Variants in AKIRIN1 observed in about 807,000 individuals in gnomAD.
AKIRIN1 encodes akirin-1.
AKIRIN1 carries 4 observed loss-of-function variants against 25.9 expected under a neutral mutation model. The observed-to-expected ratio is 0.15, with a 90% confidence interval of 0.08 to 0.35. AKIRIN1 has a LOEUF of 0.35. Ranked by LOEUF, AKIRIN1 falls within the 10% of genes least tolerant of loss-of-function variation. AKIRIN1 has a pLI of 1.00. For synonymous variants in AKIRIN1, 125 were observed against 105.1 expected (o/e 1.19, Z -1.16); for missense variants, 243 against 266.1 (o/e 0.91, Z 0.61).
chr1:38,991,431 G>T lies in AKIRIN1; in HGVS notation c.51G>T (p.Leu17=), dbSNP rs1485753682. The T allele has an allele frequency of 4.4e-6, 6 of 1,366,832 alleles. No homozygotes were observed. In the South Asian group the frequency reaches 5.0e-5, roughly 11 times the overall value. 84.7% of individuals were successfully genotyped at this position (1,366,832 alleles called of 1,614,324 possible). The part of the protein sequence containing the change: ...LKRPMEFEAA[L]LSPGSPKRRR... Reference sequence around the variant, plus strand: ...GGCCCATGGAGTTCGAGGCGGCGCTGCTGAGCCCCGGCTCCCCGAAGCGGC... The same window carrying T: ...GGCCCATGGAGTTCGAGGCGGCGCTTCTGAGCCCCGGCTCCCCGAAGCGGC... Residue 17 remains leucine, a synonymous_variant, in exon 1 of 5, where the codon CTG becomes CTT. Transcript: ENST00000432648.
At chr1:38,993,825 C>T (rs897444811) in intron 1 of AKIRIN1, among the ~76,000 whole-genome samples, 3 of 152,058 alleles carry the variant, frequency 2.0e-5, no homozygotes, top group African/African-American at 7.2e-5. Context: ...AATCCCAGCA[C>T]TTTGGGAGGC....
chr1:38,992,315 T>G (rs916114145), intron 1 of AKIRIN1, among the ~76,000 whole-genome samples: 4 of 152,148 alleles, frequency 2.6e-5, no homozygotes, highest in Non-Finnish European at 5.9e-5. Flanking sequence ...GCGTTCCACT[T>G]TGTCCAAGGA....
At chr1:38,998,601 A>G (rs976381731) in intron 2 of AKIRIN1, among the ~76,000 whole-genome samples, 26 of 152,132 alleles carry the variant, frequency 1.7e-4, no homozygotes, top group Non-Finnish European at 2.8e-4. Flanking sequence ...TTTTAAACTA[A>G]TTAAAATTAG....
At chr1:38,998,089 C>T in intron 1 of AKIRIN1, 82 bp from the exon 2 acceptor site, 1 of 1,435,456 alleles carries the variant, frequency 7.0e-7, no homozygotes, top group Non-Finnish European at 9.4e-7. Flanking sequence ...GTCAGAAGAT[C>T]TTTGTCTCTT....
chr1:38,998,873 CAA>C (rs397860789), intron 2 of AKIRIN1, among the ~76,000 whole-genome samples: 1 of 137,134 alleles, frequency 7.3e-6, no homozygotes, highest in African/African-American at 2.7e-5. Flanking sequence ...GTCTCTGTCT[CAA>C]AAAAAAAAAA....
chr1:39,000,272 T>G (rs1643979360), intron 2 of AKIRIN1, among the ~76,000 whole-genome samples: 1 of 152,116 alleles, frequency 6.6e-6, no homozygotes, highest in African/African-American at 2.4e-5. Context: ...AGCTTATCCC[T>G]GTGACTTATC....
chr1:39,004,692 A>C lies in AKIRIN1; in HGVS notation c.*637A>C, dbSNP rs4147753. ...TGATAAAGCGAAGGTCTGCGGTCCT[A>C]TATCTACAGACACGTGGTGAGAAAT... is the stretch of plus-strand genomic sequence containing the variant. On this transcript the variant is annotated 3_prime_UTR_variant, in exon 5 of 5. Coordinates refer to ENST00000432648, the MANE Select transcript of AKIRIN1 (RefSeq NM_024595.3). 6.3e-6 allele frequency: 1 copy of C among 159,540 alleles called. No individual in the cohort carries two copies. Among genetic ancestry groups the C allele is most frequent in the African/African-American group, 2.4e-5 (1 of 41,454 alleles). 9.9% of individuals were successfully genotyped at this position (159,540 alleles called of 1,614,324 possible). A position where few individuals can be genotyped will look rare whatever the true frequency, so the allele number is the denominator to read the frequency against.
intron 2 of AKIRIN1, among the ~76,000 whole-genome samples, chr1:39,000,345 CTTT>C (rs3078308): frequency 0.27 from 34,852 of 128,032 alleles, 5,428 homozygotes; most frequent in Non-Finnish European, 0.38. Context: ...TTTTCTTTTT[CTTT>C]TTTTTTTTTT....
chr1:38,994,405 G>A (rs1346159372), intron 1 of AKIRIN1, among the ~76,000 whole-genome samples: 3 of 152,166 alleles, frequency 2.0e-5, no homozygotes, highest in Non-Finnish European at 2.9e-5. Context: ...GGGGGTTGCT[G>A]ACCGCAGGAA....
In AKIRIN1 at chr1:39,000,980, T is replaced by G; in HGVS notation, c.370T>G (p.Trp124Gly). Residue 124 changes from tryptophan to glycine, a missense_variant, in exon 3 of 5, where the codon TGG becomes GGG. Physicochemically the swap from Trp to Gly is radical, Grantham distance 184. Transcript: ENST00000432648. Reference sequence around the variant, plus strand: ...CTTTTTCTTTTGGCCAGGTTCCTCATGGATGAAGAAGGACCAGCCCACATT... The same window carrying G: ...CTTTTTCTTTTGGCCAGGTTCCTCAGGGATGAAGAAGGACCAGCCCACATT... ...LTAPSSPGSS[W>G]MKKDQPTFTL... The G allele has an allele frequency of 6.2e-7, 1 of 1,610,996 alleles. No homozygotes were observed. The highest frequency in any genetic ancestry group is 2.2e-5 in the East Asian group (1 of 44,800).
intron 2 of AKIRIN1, among the ~76,000 whole-genome samples, chr1:38,999,349 A>G (rs927381939): frequency 2.0e-5 from 3 of 152,172 alleles, no homozygotes; most frequent in African/African-American, 7.2e-5. Context: ...CTTGATGGGT[A>G]AGGGGTTTTA....
chr1:38,994,387 T>C (rs1437781870), intron 1 of AKIRIN1, among the ~76,000 whole-genome samples: 2 of 152,160 alleles, frequency 1.3e-5, no homozygotes, highest in Non-Finnish European at 2.9e-5. Context: ...ATTCCAGACA[T>C]GGAAGAAGGG....
At chr1:38,992,005 T>A (rs1305091833) in intron 1 of AKIRIN1, among the ~76,000 whole-genome samples, 1 of 28,382 alleles carries the variant, frequency 3.5e-5, no homozygotes. Context: ...AGGGCGGGGG[T>A]GGGATGGGGG....
chr1:39,004,573 T>TTTCAAA lies in AKIRIN1; in HGVS notation c.*519_*520insTCAAAT. 1 of 220,214 alleles carries TTTCAAA rather than the reference T, an allele frequency of 4.5e-6. No homozygotes were observed. The highest frequency in any genetic ancestry group is 9.2e-6 in the Non-Finnish European group (1 of 108,826). 13.6% of individuals were successfully genotyped at this position (220,214 alleles called of 1,614,324 possible). A position where few individuals can be genotyped will look rare whatever the true frequency, so the allele number is the denominator to read the frequency against. The stretch of plus-strand genomic sequence containing the variant: ...TGACCATACAAGTTGTAACAGTGGA[T>TTTCAAA]TGTTTTTATGTGTAGGTATTGTTAA... On this transcript the variant is annotated 3_prime_UTR_variant, in exon 5 of 5. Coordinates refer to ENST00000432648, the MANE Select transcript of AKIRIN1 (RefSeq NM_024595.3).
chr1:39,004,517 G>T lies in AKIRIN1; in HGVS notation c.*462G>T. 3.5e-6 allele frequency: 1 copy of T among 286,314 alleles called. No homozygotes were observed. The highest frequency in any genetic ancestry group is 6.8e-6 in the Non-Finnish European group (1 of 146,588). 17.7% of individuals were successfully genotyped at this position (286,314 alleles called of 1,614,324 possible). On this transcript the variant is annotated 3_prime_UTR_variant, in exon 5 of 5. Coordinates refer to ENST00000432648, the MANE Select transcript of AKIRIN1 (RefSeq NM_024595.3). The stretch of plus-strand genomic sequence containing the variant: ...CGACAATTATGGTAAAAAAACATTT[G>T]CTTGGTCTAAAGAAGATCATTAATG...
chr1:38,995,803 CGGG>C (rs1643943537), intron 1 of AKIRIN1, among the ~76,000 whole-genome samples: 1 of 152,114 alleles, frequency 6.6e-6, no homozygotes, highest in African/African-American at 2.4e-5. Flanking sequence ...GAGGCCGAGG[CGGG>C]CGGATCAGCT....
intron 1 of AKIRIN1, among the ~76,000 whole-genome samples, chr1:38,996,293 A>G (rs568052408): frequency 6.6e-6 from 1 of 152,110 alleles, no homozygotes; most frequent in Admixed American, 6.5e-5. Flanking sequence ...TGGTTTCGCC[A>G]TGTTGGTCAG....
At chr1:38,995,797 C>T (rs1190165136) in intron 1 of AKIRIN1, among the ~76,000 whole-genome samples, 1 of 152,158 alleles carries the variant, frequency 6.6e-6, no homozygotes, top group Non-Finnish European at 1.5e-5. Context: ...CTTTGGGAGG[C>T]CGAGGCGGGC....
At chr1:38,999,874 GT>G (rs56653585) in intron 2 of AKIRIN1, among the ~76,000 whole-genome samples, 50,566 of 150,762 alleles carry the variant, frequency 0.34, 9,069 homozygotes, top group Non-Finnish European at 0.39. Flanking sequence ...TTTTGTTTTT[GT>G]TTTTTGTTTT....
Sources: gnomAD v4.1 joint callset for allele counts (sites outside exome capture counted in the v4.1 genomes callset) on GRCh38, gnomAD v4.1.1 for gene constraint, MANE v1.5 for transcripts, NCBI Gene and HGNC (gene_info 2026-07-23, HGNC 2026-07-21) for gene names.